The following TXNRD2 variants were observed in gnomAD, a reference collection of about 807,000 sequenced individuals.
TXNRD2 encodes the protein thioredoxin reductase 2.
TXNRD2 carries 67 observed loss-of-function variants against 70.8 expected under a neutral mutation model. The ratio of observed to expected loss-of-function variants is 0.95; its 90% confidence interval spans 0.78 to 1.16. TXNRD2 has a LOEUF of 1.16. Ranked by LOEUF, TXNRD2 falls within the 50% of genes most tolerant of loss-of-function variation. TXNRD2 has a pLI of 0.00. For synonymous variants in TXNRD2, 301 were observed against 295.8 expected, an observed-to-expected ratio of 1.02 and a Z score of -0.18; for missense variants, 644 against 719.9, an observed-to-expected ratio of 0.89 and a Z score of 1.21.
intron 8 of TXNRD2, among the ~76,000 whole-genome samples, chr22:19,905,409 C>T (rs1000679541): frequency 6.6e-6 from 1 of 152,066 alleles, no homozygotes; most frequent in Non-Finnish European, 1.5e-5. Context: ...TGTGTCTTCC[C>T]GGCCGAGCCA....
At chr22:19,901,817 A>C (rs1315909640) in intron 8 of TXNRD2, among the ~76,000 whole-genome samples, 1 of 152,186 alleles carries the variant, frequency 6.6e-6, no homozygotes. Flanking sequence ...GGCCACAGGA[A>C]GTCAGAGGTG....
intron 11 of TXNRD2, among the ~76,000 whole-genome samples, chr22:19,886,649 G>A (rs1393128455): frequency 2.0e-5 from 3 of 152,254 alleles, no homozygotes; most frequent in African/African-American, 7.2e-5. Context: ...GGAAAGAAGG[G>A]TGCCTGCACC....
intron 11 of TXNRD2, among the ~76,000 whole-genome samples, chr22:19,893,441 C>T (rs919056634): frequency 4.6e-5 from 7 of 152,216 alleles, no homozygotes; most frequent in South Asian, 2.1e-4. Flanking sequence ...CTGTGTGTGC[C>T]GCCACCCACC....
At chr22:19,918,288 T>C (rs563647179) in intron 4 of TXNRD2, 71 bp from the exon 5 acceptor site, 1 of 1,294,942 alleles carries the variant, frequency 7.7e-7, no homozygotes, top group Admixed American at 1.7e-5. Context: ...CGATGGACTA[T>C]TAGATTCAAA....
intron 8 of TXNRD2, among the ~76,000 whole-genome samples, chr22:19,909,793 A>C (rs1601436930): frequency 9.8e-6 from 1 of 101,654 alleles, no homozygotes; most frequent in African/African-American, 4.0e-5. Flanking sequence ...CCACACACAC[A>C]CCACTCACAC....
intron 2 of TXNRD2, among the ~76,000 whole-genome samples, chr22:19,924,718 TC>T (rs2146069702): frequency 6.6e-6 from 1 of 151,834 alleles, no homozygotes; most frequent in African/African-American, 2.4e-5. Context: ...ATAGAAACTA[TC>T]CAAAATGAAA....
At chr22:19,905,059 G>A (rs1015993918) in intron 8 of TXNRD2, among the ~76,000 whole-genome samples, 6 of 152,190 alleles carry the variant, frequency 3.9e-5, no homozygotes, top group Non-Finnish European at 8.8e-5. Context: ...TAGACCCTCC[G>A]GGCTTATTTT....
At chr22:19,910,155 C>T (rs1940342613) in intron 8 of TXNRD2, among the ~76,000 whole-genome samples, 1 of 152,192 alleles carries the variant, frequency 6.6e-6, no homozygotes, top group Non-Finnish European at 1.5e-5. Context: ...ATGAAGTCTC[C>T]ACACCCCACA....
At chr22:19,928,995 G>A (rs1386057414) in intron 2 of TXNRD2, among the ~76,000 whole-genome samples, 3 of 87,122 alleles carry the variant, frequency 3.4e-5, no homozygotes, top group African/African-American at 4.5e-5. Context: ...GACAAAGCAA[G>A]ACTCGCTTGC....
At chr22:19,906,664 GA>G (rs972857058) in intron 8 of TXNRD2, among the ~76,000 whole-genome samples, 1 of 152,088 alleles carries the variant, frequency 6.6e-6, no homozygotes, top group Non-Finnish European at 1.5e-5. Context: ...GGCATAACAG[GA>G]AAAAGTGATT....
At chr22:19,934,457 C>T (rs1368459444) in intron 1 of TXNRD2, among the ~76,000 whole-genome samples, 2 of 151,602 alleles carry the variant, frequency 1.3e-5, no homozygotes, top group Non-Finnish European at 2.9e-5. Context: ...AAGTCAGGAA[C>T]CCCGAATGGA....
intron 3 of TXNRD2, 45 bp from the exon 4 acceptor site, chr22:19,919,049 G>A (rs1464897286): frequency 1.3e-6 from 2 of 1,588,368 alleles, no homozygotes; most frequent in Non-Finnish European, 1.7e-6. Flanking sequence ...TCAGGTGACT[G>A]CTGGAGGCTT....
intron 11 of TXNRD2, chr22:19,891,359 C>T (rs1939255611): frequency 6.6e-6 from 1 of 152,296 alleles, no homozygotes; most frequent in African/African-American, 2.4e-5. Flanking sequence ...GGCAGGACTC[C>T]TGTGGTGCAG....
At chr22:19,903,761 C>T (rs933653460) in intron 8 of TXNRD2, among the ~76,000 whole-genome samples, 2 of 152,240 alleles carry the variant, frequency 1.3e-5, no homozygotes, top group African/African-American at 4.8e-5. Flanking sequence ...TCACCATCCT[C>T]GCCTTCCACA....
At position 19,926,307 on chromosome 22, in the gene TXNRD2, T is replaced by C. The variant is rs12484318; in HGVS notation, c.172+4723A>G. 5.4e-3 allele frequency among the ~76,000 whole-genome samples: 827 copies of C among 151,880 alleles called. 3 individuals carry two copies. Among genetic ancestry groups the C allele is most frequent in the Middle Eastern group, 0.01 (3 of 292 alleles). On this transcript the variant is annotated intron_variant, in intron 2 of 17. Transcript: ENST00000400521. ...GAGTTCAAGACCAGCCTGGCCAACA[T>C]GGTGAAACCCCATCTCTACTAAAAG... is the stretch of plus-strand genomic sequence containing the variant.
chr22:19,936,614 T>G (rs1233586448), intron 1 of TXNRD2, among the ~76,000 whole-genome samples: 1 of 152,102 alleles, frequency 6.6e-6, no homozygotes, highest in Admixed American at 6.6e-5. Flanking sequence ...CCGGTCACTT[T>G]GCCATCCACT....
chr22:19,895,716 C>T (rs1939477528), intron 10 of TXNRD2, 135 bp from the exon 11 acceptor site: 2 of 966,760 alleles, frequency 2.1e-6, no homozygotes, highest in Middle Eastern at 2.9e-4. Context: ...ACACCCTGCC[C>T]CCTGCTCTAC....
chr22:19,926,613 C>A (rs1569109355), intron 2 of TXNRD2, among the ~76,000 whole-genome samples: 1 of 151,854 alleles, frequency 6.6e-6, no homozygotes. Flanking sequence ...AACCCCGTCT[C>A]TACTAAAAAT....
chr22:19,930,484 GC>G (rs750325771), intron 2 of TXNRD2, among the ~76,000 whole-genome samples: 3 of 152,154 alleles, frequency 2.0e-5, no homozygotes, highest in Non-Finnish European at 2.9e-5. Flanking sequence ...TCTGGGTCCA[GC>G]CCGTTCGCCC....
Sources: gnomAD v4.1 joint callset for allele counts (sites outside exome capture counted in the v4.1 genomes callset) on GRCh38, gnomAD v4.1.1 for gene constraint, MANE v1.5 for transcripts, NCBI Gene and HGNC (gene_info 2026-07-23, HGNC 2026-07-21) for gene names.